APOBEC3D: variants seen among roughly 807,000 people sequenced by gnomAD.
The protein encoded by APOBEC3D is DNA dC->dU-editing enzyme APOBEC-3D.
A neutral mutation model predicts 45.6 loss-of-function variants in APOBEC3D; 37 were observed. That is an observed-to-expected ratio of 0.81 (90% CI 0.62 to 1.07). The LOEUF (loss-of-function observed/expected upper bound fraction) is 1.07, where lower values mean the gene tolerates loss of function less well. Among genes scored for constraint, APOBEC3D ranks in the 50% least tolerant of loss-of-function variants. APOBEC3D has a pLI of 0.00. For missense variants in APOBEC3D, 496 were observed against 495.3 expected, an observed-to-expected ratio of 1.00 and a Z score of -0.01; for synonymous variants, 175 against 180.7, an observed-to-expected ratio of 0.97 and a Z score of 0.25.
At position 39,021,552 on chromosome 22, in the gene APOBEC3D, A is replaced by G. The variant is rs768851673; in HGVS notation, c.17+16A>G. 3.6e-5 allele frequency: 58 copies of G among 1,613,212 alleles called. No homozygotes were observed. Among genetic ancestry groups the G allele is most frequent in the Middle Eastern group, 1.7e-4 (1 of 5,916 alleles). On this transcript the variant is annotated intron_variant, in intron 1 of 6. Coordinates refer to ENST00000216099, the MANE Select transcript of APOBEC3D (RefSeq NM_152426.4). ...CACAGATCAGGTACCGCTGCCCACT[A>G]TGTCCGCAGGGCCCCTCCGGCCCCT...
In APOBEC3D at chr22:39,032,499, G is replaced by A; in HGVS notation, c.*183G>A. On this transcript the variant is annotated 3_prime_UTR_variant, in exon 7 of 7. Coordinates refer to ENST00000216099, the MANE Select transcript of APOBEC3D (RefSeq NM_152426.4). ...CTCCCCGCTCTCCCAGGCTCTTCTTGTAGAGGCTCTCCATCCACCTCCCCA... is the reference window on the plus strand; with the variant it reads ...CTCCCCGCTCTCCCAGGCTCTTCTTATAGAGGCTCTCCATCCACCTCCCCA... The A allele has an allele frequency of 7.2e-7, 1 of 1,382,258 alleles. No individual in the cohort carries two copies. The highest frequency in any genetic ancestry group is 1.7e-5 in the South Asian group (1 of 59,190). The allele number at this position is 1,382,258 out of a possible 1,614,324, so 85.6% of individuals were successfully genotyped here.
Position 39,025,620 on chromosome 22 carries a change from A to T in APOBEC3D, c.554A>T (p.Lys185Ile), listed in dbSNP as rs1014970697. The T allele has an allele frequency of 3.7e-6, 6 of 1,614,072 alleles. No homozygotes were observed. Among genetic ancestry groups the T allele is most frequent in the Non-Finnish European group, 5.1e-6 (6 of 1,180,004 alleles). The change falls in exon 4 of 7, where the codon AAA (lysine) becomes ATA (isoleucine). Residue 185 changes from lysine (K) to isoleucine (I), a missense_variant. Physicochemically the swap from Lys to Ile is moderately radical, Grantham distance 102. Coordinates refer to ENST00000216099, the MANE Select transcript of APOBEC3D (RefSeq NM_152426.4). ...GGTCAGCCATTCATGCCTTGGTACA[A>T]ATTCGATGACAATTATGCATCCCTG... ...NEGQPFMPWYKFDDNYASLHR... is the reference protein window; with the variant it reads ...NEGQPFMPWYIFDDNYASLHR...
At chr22:39,027,080 A>G (rs1049289772) in intron 4 of APOBEC3D, among the ~76,000 whole-genome samples, 3 of 152,162 alleles carry the variant, frequency 2.0e-5, no homozygotes, top group Non-Finnish European at 2.9e-5. Context: ...CCCTAGAAAG[A>G]GATCTAAGGC....
intron 2 of APOBEC3D, 32 bp downstream of exon 2, chr22:39,023,046 G>T: frequency 6.7e-7 from 1 of 1,500,582 alleles, no homozygotes; most frequent in South Asian, 1.4e-5. Context: ...AAACACATAA[G>T]TAAAATGTCT....
intron 4 of APOBEC3D, 92 bp from the exon 5 acceptor site, chr22:39,029,271 G>T: frequency 1.4e-6 from 2 of 1,425,576 alleles, no homozygotes; most frequent in Non-Finnish European, 1.9e-6. Flanking sequence ...GGATGGGAGA[G>T]GCCCAGACTC....
chr22:39,025,912 G>A (rs576951232), intron 4 of APOBEC3D, among the ~76,000 whole-genome samples: 22 of 152,154 alleles, frequency 1.4e-4, no homozygotes, highest in South Asian at 4.1e-4. Context: ...ATCCACCCCC[G>A]AGGCTGCCCT....
At position 39,032,326 on chromosome 22, in the gene APOBEC3D, C is replaced by A. The variant is rs185523047; in HGVS notation, c.*10C>A. On this transcript the variant is annotated 3_prime_UTR_variant, in exon 7 of 7. Transcript: ENST00000216099. The stretch of plus-strand genomic sequence containing the variant: ...GGAGATTCTCCAGTGAGGGGTCTCC[C>A]TGGGCCTCATGGTCTGTCTCTTCTA... 339 of 1,613,588 alleles carry A rather than the reference C, an allele frequency of 2.1e-4. 2 individuals carry two copies. The African/African-American group carries it at 3.5e-3, about 16-fold the overall frequency.
chr22:39,029,587 CG>C, intron 5 of APOBEC3D, 68 bp downstream of exon 5: 1 of 1,580,286 alleles, frequency 6.3e-7, no homozygotes, highest in East Asian at 2.2e-5. Flanking sequence ...AAACACAATA[CG>C]TGACGTGCCC....
chr22:39,029,592 C>T (rs1479429695), intron 5 of APOBEC3D, 73 bp downstream of exon 5: 38 of 1,560,256 alleles, frequency 2.4e-5, no homozygotes, highest in South Asian at 5.7e-5. Context: ...CAATACGTGA[C>T]GTGCCCCGCG....
At chr22:39,029,822 G>C (rs1926032829) in intron 5 of APOBEC3D, among the ~76,000 whole-genome samples, 1 of 152,006 alleles carries the variant, frequency 6.6e-6, no homozygotes, top group Non-Finnish European at 1.5e-5. Flanking sequence ...TGGTGGCCAG[G>C]CTGGTTTCAA....
At chr22:39,030,845 C>T (rs901380961) in intron 5 of APOBEC3D, among the ~76,000 whole-genome samples, 1 of 152,130 alleles carries the variant, frequency 6.6e-6, no homozygotes, top group African/African-American at 2.4e-5. Context: ...GGAAAAGACT[C>T]AATAAAATAA....
Position 39,029,380 on chromosome 22 carries a change from T to C in APOBEC3D, c.623T>C (p.Met208Thr), listed in dbSNP as rs780647042. ...KEILRNPMEA[M>T]YPHIFYFHFK... ...GCCCTCAGAAACCCGATGGAGGCAA[T>C]GTACCCACACATATTCTACTTCCAC... The change falls in exon 5 of 7, where the codon ATG (methionine) becomes ACG (threonine). Residue 208 changes from methionine (M) to threonine (T), a missense_variant. Met to Thr is a moderately conservative substitution (Grantham distance 81). Coordinates refer to ENST00000216099, the MANE Select transcript of APOBEC3D (RefSeq NM_152426.4). 25 of 1,614,058 alleles carry C rather than the reference T, an allele frequency of 1.5e-5. No homozygotes were observed. The highest frequency in any genetic ancestry group is 2.2e-5 in the East Asian group (1 of 44,902).
chr22:39,031,933 G>A lies in APOBEC3D; in HGVS notation c.1002G>A (p.Leu334=). Residue 334 remains leucine (L), a synonymous_variant, in exon 6 of 7, where the codon CTG becomes CTA. Coordinates refer to ENST00000216099, the MANE Select transcript of APOBEC3D (RefSeq NM_152426.4). ...ATTACCAGGAGGGGCTCTGCAGCCTGAGTCAGGAAGGGGCCTCCGTGAAGA... is the reference window on the plus strand; with the variant it reads ...ATTACCAGGAGGGGCTCTGCAGCCTAAGTCAGGAAGGGGCCTCCGTGAAGA... ...DTDYQEGLCS[L]SQEGASVKIM... is the part of the protein sequence containing the mutation. The A allele has an allele frequency of 6.2e-7, 1 of 1,614,190 alleles. No individual in the cohort carries two copies. Among genetic ancestry groups the A allele is most frequent in the Non-Finnish European group, 8.5e-7 (1 of 1,180,044 alleles).
rs562340269 is a variant in APOBEC3D at position 39,031,794 on chromosome 22, C to T, written c.863C>T (p.Thr288Ile). The T allele has an allele frequency of 1.4e-5, 22 of 1,614,106 alleles. No homozygotes were observed. The South Asian group carries it at 1.5e-4, about 11-fold the overall frequency. Residue 288 changes from threonine to isoleucine, a missense_variant, in exon 6 of 7, where the codon ACA becomes ATA. Thr to Ile is a moderately conservative substitution (Grantham distance 89). Transcript: ENST00000216099. ...ACAAACTACGAGGTCACCTGGTACACATCTTGGAGCCCTTGCCCAGAGTGT... is the reference window on the plus strand; with the variant it reads ...ACAAACTACGAGGTCACCTGGTACATATCTTGGAGCCCTTGCCCAGAGTGT... Reference protein sequence around the residue: ...PNTNYEVTWYTSWSPCPECAG... With the variant: ...PNTNYEVTWYISWSPCPECAG...
chr22:39,025,210 C>G lies in APOBEC3D; in HGVS notation c.351C>G (p.Thr117=), dbSNP rs761800630. ...GCCTGCCCTGTGTGGTGAAGGTGACCAAATTCTTGGCTGAGCACCCCAATG... is the reference window on the plus strand; with the variant it reads ...GCCTGCCCTGTGTGGTGAAGGTGACGAAATTCTTGGCTGAGCACCCCAATG... ...NPCLPCVVKV[T]KFLAEHPNVT... The change falls in exon 3 of 7, where the codon ACC becomes ACG. Residue 117 remains threonine (T), a synonymous_variant. Coordinates refer to ENST00000216099, the MANE Select transcript of APOBEC3D (RefSeq NM_152426.4). 6.2e-7 allele frequency: 1 copy of G among 1,614,038 alleles called. No individual in the cohort carries two copies. Among genetic ancestry groups the G allele is most frequent in the Non-Finnish European group, 8.5e-7 (1 of 1,179,998 alleles).
In APOBEC3D at chr22:39,022,861, C is replaced by T. The variant is rs1285184738; in HGVS notation, c.57C>T (p.Asp19=). The part of the protein sequence containing the change: ...MERMYRDTFY[D]NFENEPILYG... ...GGATGTATCGAGACACATTCTACGA[C>T]AACTTTGAAAACGAACCCATCCTCT... The change falls in exon 2 of 7, where the codon GAC becomes GAT. Residue 19 remains aspartate (D), a synonymous_variant. Coordinates refer to ENST00000216099, the MANE Select transcript of APOBEC3D (RefSeq NM_152426.4). 6.2e-7 allele frequency: 1 copy of T among 1,611,856 alleles called. No individual in the cohort carries two copies. The highest frequency in any genetic ancestry group is 8.5e-7 in the Non-Finnish European group (1 of 1,179,560).
At chr22:39,026,430 G>A (rs1451285484) in intron 4 of APOBEC3D, among the ~76,000 whole-genome samples, 1 of 152,256 alleles carries the variant, frequency 6.6e-6, no homozygotes, top group Non-Finnish European at 1.5e-5. Context: ...TCCAAATACA[G>A]TTATCCTGTG....
intron 5 of APOBEC3D, among the ~76,000 whole-genome samples, chr22:39,029,866 C>A (rs1926038953): frequency 6.6e-6 from 1 of 152,250 alleles, no homozygotes; most frequent in Non-Finnish European, 1.5e-5. Context: ...CCCGCTTGGC[C>A]TCCCAACGTT....
intron 1 of APOBEC3D, among the ~76,000 whole-genome samples, chr22:39,022,021 A>G (rs1050663518): frequency 1.1e-4 from 16 of 152,236 alleles, no homozygotes; most frequent in African/African-American, 3.9e-4. Context: ...CACATCGTCC[A>G]AGGATGACTC....
Sources: allele counts gnomAD v4.1 joint callset (sites outside exome capture counted in the v4.1 genomes callset), GRCh38; gene constraint gnomAD v4.1.1; transcripts MANE v1.5; gene names NCBI Gene and HGNC (gene_info 2026-07-23, HGNC 2026-07-21).